The following AGAP1 variants were observed in gnomAD, a reference collection of about 807,000 sequenced individuals.
AGAP1 encodes the protein ArfGAP with GTPase domain, ankyrin repeat and PH domain 1, also known as arf-GAP with GTPase, ANK repeat and PH domain-containing protein 1.
A neutral mutation model predicts 105.3 loss-of-function variants in AGAP1; 29 were observed. The ratio of observed to expected loss-of-function variants is 0.28; its 90% CI spans 0.21 to 0.38. The LOEUF (loss-of-function observed/expected upper bound fraction) is 0.38, where lower values mean the gene tolerates loss of function less well. Among genes scored for constraint, AGAP1 ranks in the 10% least tolerant of loss-of-function variants. AGAP1 has a pLI of 1.00. For missense variants in AGAP1, 998 were observed against 1,165.1 expected, an observed-to-expected ratio of 0.86 and a Z score of 2.09; for synonymous variants, 509 against 485.9, an observed-to-expected ratio of 1.05 and a Z score of -0.63.
chr2:235,604,572 C>CTTTTTTTTTTTTTTTTTTTTTTTTTTT (rs1166523228), intron 1 of AGAP1, among the ~76,000 whole-genome samples: 1 of 69,672 alleles, frequency 1.4e-5, no homozygotes, highest in Non-Finnish European at 2.5e-5. Context: ...TTTTTATTAT[C>CTTTTTTTTTTTTTTTTTTTTTTTTTTT]TTTTTTTTTT....
intron 13 of AGAP1, among the ~76,000 whole-genome samples, chr2:236,018,653 C>T (rs931718097): frequency 3.9e-5 from 6 of 152,208 alleles, no homozygotes; most frequent in Admixed American, 2.0e-4. Flanking sequence ...TCTTGGGATG[C>T]CAAGCCCATT....
In AGAP1 at chr2:235,599,799, T is replaced by G. The variant is rs1372647518; in HGVS notation, c.163+104950T>G. Among the ~76,000 whole-genome samples, 2 of 152,142 alleles carry G rather than the reference T, an allele frequency of 1.3e-5. No individual in the cohort carries two copies. The highest frequency in any genetic ancestry group is 2.9e-5 in the Non-Finnish European group (2 of 68,024). ...TCAGAGAGAGCGCCTGCCCCAGGGC[T>G]GGGAAGATGAGCAGGGATCCTGGGA... On this transcript the variant is annotated intron_variant, in intron 1 of 17. Coordinates refer to ENST00000304032, the MANE Select transcript of AGAP1 (RefSeq NM_001037131.3). This position sits in a 1 kb window ranked among gnomAD's most constrained non-coding sequence, Gnocchi z 5.3.
At position 235,701,642 on chromosome 2, in the gene AGAP1, A is replaced by G. The variant is rs1352310334; in HGVS notation, c.164-7537A>G. Among the ~76,000 whole-genome samples the G allele has an allele frequency of 6.6e-6, 1 of 152,238 alleles. No individual in the cohort carries two copies. Among genetic ancestry groups the G allele is most frequent in the East Asian group, 1.9e-4 (1 of 5,194 alleles). On this transcript the variant is annotated intron_variant, in intron 1 of 17. Coordinates refer to ENST00000304032, the MANE Select transcript of AGAP1 (RefSeq NM_001037131.3). This position sits in a 1 kb window ranked among gnomAD's most constrained non-coding sequence, Gnocchi z 4.1. Reference sequence around the variant, plus strand: ...ATAGGGATTCAAGGATTTCCAAATAAGAAATTAAATCCTACCATTGAAACT... The same window carrying G: ...ATAGGGATTCAAGGATTTCCAAATAGGAAATTAAATCCTACCATTGAAACT...
In AGAP1 at chr2:235,882,463, C is replaced by A; in HGVS notation, c.1051-882C>A. 4 of 1,575,438 alleles carry A rather than the reference C, an allele frequency of 2.5e-6. No homozygotes were observed. In the East Asian group the frequency reaches 6.8e-5, roughly 27 times the overall value. ...TTCAGCTTGGCCCTATTGAAGCTGG[C>A]GATTCCCCCCACGTCTGGTTTGTCT... On this transcript the variant is annotated intron_variant, in intron 9 of 17. Coordinates refer to ENST00000304032, the MANE Select transcript of AGAP1 (RefSeq NM_001037131.3). This position sits in a 1 kb window ranked among gnomAD's most constrained non-coding sequence, Gnocchi z 4.6.
In AGAP1 at chr2:235,863,836, C is replaced by G. The variant is rs529593014; in HGVS notation, c.1051-19509C>G. 2.6e-5 allele frequency among the ~76,000 whole-genome samples: 4 copies of G among 151,952 alleles called. No individual in the cohort carries two copies. In the East Asian group the frequency reaches 7.7e-4, roughly 29 times the overall value. ...AGACCTTCTAGGGGAAGAGTTAACT[C>G]GGAAAGAAAGGAACTCTGAGCATTG... On this transcript the variant is annotated intron_variant, in intron 9 of 17. Transcript: ENST00000304032.
intron 1 of AGAP1, among the ~76,000 whole-genome samples, chr2:235,648,138 G>A (rs569699613): frequency 1.3e-5 from 2 of 152,314 alleles, no homozygotes; most frequent in Admixed American, 6.5e-5. Context: ...ACTGGGGGGT[G>A]TCCATCCCGT....
intron 8 of AGAP1, among the ~76,000 whole-genome samples, chr2:235,804,794 G>T (rs1304510280): frequency 1.3e-5 from 2 of 152,194 alleles, no homozygotes; most frequent in Non-Finnish European, 2.9e-5. Flanking sequence ...AGCCCTTCTG[G>T]GTGTGATCTG....
chr2:235,988,094 G>A lies in AGAP1; in HGVS notation c.1645+19471G>A, dbSNP rs139066543. Reference sequence around the variant, plus strand: ...GTCTCACTCTGTTGCCCAGGCTGGAGTGTGGTGGCATGATCTCGGCTCACT... The same window carrying A: ...GTCTCACTCTGTTGCCCAGGCTGGAATGTGGTGGCATGATCTCGGCTCACT... On this transcript the variant is annotated intron_variant, in intron 13 of 17. Coordinates refer to ENST00000304032, the MANE Select transcript of AGAP1 (RefSeq NM_001037131.3). The surrounding 1 kb of genome is among the most constrained non-coding windows in gnomAD (Gnocchi z 4.7). Among the ~76,000 whole-genome samples the A allele has an allele frequency of 4.3e-3, 657 of 152,312 alleles. 2 individuals carry two copies. Among genetic ancestry groups the A allele is most frequent in the Non-Finnish European group, 7.6e-3 (514 of 68,028 alleles).
In AGAP1 at chr2:235,741,073, C is replaced by A. The variant is rs1373130739; in HGVS notation, c.396+25C>A. ...GGTGAGTATACATGCATGCCCCAAG[C>A]CTGCTTTTTTTCCCTTTGTTTTCTA... On this transcript the variant is annotated intron_variant, in intron 4 of 17. Coordinates refer to ENST00000304032, the MANE Select transcript of AGAP1 (RefSeq NM_001037131.3). This position sits in a 1 kb window ranked among gnomAD's most constrained non-coding sequence, Gnocchi z 4.9. The A allele has an allele frequency of 6.5e-7, 1 of 1,540,052 alleles. No homozygotes were observed. The highest frequency in any genetic ancestry group is 8.8e-7 in the Non-Finnish European group (1 of 1,134,486).
rs61744659 is a variant in AGAP1, at chr2:236,120,351, C to A, written c.2274C>A (p.Asp758Glu). ...AILLLAHGSR[D>E]EVNETCGEGD... ...TGCTGCTGGCACACGGCTCCCGGGA[C>A]GAGGTGAACGAGACCTGCGGGGAGG... is the stretch of plus-strand genomic sequence containing the variant. The change falls in exon 17 of 18, where the codon GAC (aspartate) becomes GAA (glutamate). Residue 758 changes from aspartate (D) to glutamate (E), a missense_variant. This residue lies in a region of AGAP1 where 235 missense variants were observed against 270.7 expected (regional missense o/e 0.87). Coordinates refer to ENST00000304032, the MANE Select transcript of AGAP1 (RefSeq NM_001037131.3). This position sits in a 1 kb window ranked among gnomAD's most constrained non-coding sequence, Gnocchi z 6.0. The A allele has an allele frequency of 6.2e-7, 1 of 1,611,780 alleles. No homozygotes were observed. Among genetic ancestry groups the A allele is most frequent in the African/African-American group, 1.3e-5 (1 of 74,870 alleles).
At chr2:235,784,598 C>CAAAAAA (rs71400786) in intron 6 of AGAP1, among the ~76,000 whole-genome samples, 1 of 124,456 alleles carries the variant, frequency 8.0e-6, no homozygotes, top group Admixed American at 7.9e-5. Context: ...CTTATTAAAG[C>CAAAAAA]AAAAAAAAAA....
chr2:235,648,884 C>CAAA (rs34285333), intron 1 of AGAP1, among the ~76,000 whole-genome samples: 2 of 139,580 alleles, frequency 1.4e-5, no homozygotes, highest in East Asian at 2.1e-4. Flanking sequence ...GAGACTGTCT[C>CAAA]AAAAAAAAAA....
chr2:235,719,289 C>T lies in AGAP1; in HGVS notation c.310+1645C>T, dbSNP rs1325404854. Among the ~76,000 whole-genome samples, 3 of 152,168 alleles carry T rather than the reference C, an allele frequency of 2.0e-5. No homozygotes were observed. The highest frequency in any genetic ancestry group is 1.9e-4 in the East Asian group (1 of 5,190). On this transcript the variant is annotated intron_variant, in intron 3 of 17. Transcript: ENST00000304032. The surrounding 1 kb of genome is among the most constrained non-coding windows in gnomAD (Gnocchi z 4.9). ...GAGTAAGAACAAGGACCACGACTCA[C>T]TCATGGTGGCCTTTCTGCTATATGG...
rs560429866 is a variant in AGAP1, at chr2:236,108,328, C to T, written c.2115-11864C>T. Among the ~76,000 whole-genome samples the T allele has an allele frequency of 4.6e-5, 7 of 152,330 alleles. No individual in the cohort carries two copies. The South Asian group carries it at 1.2e-3, about 27-fold the overall frequency. On this transcript the variant is annotated intron_variant, in intron 16 of 17. Coordinates refer to ENST00000304032, the MANE Select transcript of AGAP1 (RefSeq NM_001037131.3). ...TTCCTGTTTTGCTTGAGGCAGGAAG[C>T]ACTCTGGAAATTCCTTGCTGCTAGC...
chr2:235,853,333 G>A, intron 9 of AGAP1: 1 of 600,782 alleles, frequency 1.7e-6, no homozygotes, highest in Non-Finnish European at 2.1e-6. Flanking sequence ...TTTAGGAACA[G>A]GGAATGTTGT....
rs747430795 is a variant in AGAP1 at position 236,040,909 on chromosome 2, C to T, written c.1891+68C>T. 23 of 1,527,122 alleles carry T rather than the reference C, an allele frequency of 1.5e-5. No individual in the cohort carries two copies. Among genetic ancestry groups the T allele is most frequent in the African/African-American group, 1.5e-4 (11 of 73,160 alleles). 94.6% of individuals were successfully genotyped at this position (1,527,122 alleles called of 1,614,324 possible). A position where few individuals can be genotyped will look rare whatever the true frequency, so the allele number is the denominator to read the frequency against. On this transcript the variant is annotated intron_variant, in intron 15 of 17. Coordinates refer to ENST00000304032, the MANE Select transcript of AGAP1 (RefSeq NM_001037131.3). The surrounding 1 kb of genome is among the most constrained non-coding windows in gnomAD (Gnocchi z 5.6). ...GGAGACCACATGGTCCCACTAGGCC[C>T]GGGTTGCAGGGGACTCACATCTGTC...
chr2:236,081,843 A>G (rs777010767), intron 16 of AGAP1, among the ~76,000 whole-genome samples: 26 of 152,238 alleles, frequency 1.7e-4, no homozygotes, highest in Middle Eastern at 3.4e-3. Context: ...TAAATAGAAC[A>G]TTTTTCTTCT....
Position 236,044,944 on chromosome 2 carries a change from G to T in AGAP1, c.1891+4103G>T, listed in dbSNP as rs1267085067. ...TGGAGTGCAGCAGAAAGGGTAGGCT[G>T]CCTCTCGGGGCCTGTCCATGATTGC... On this transcript the variant is annotated intron_variant, in intron 15 of 17. Coordinates refer to ENST00000304032, the MANE Select transcript of AGAP1 (RefSeq NM_001037131.3). This position sits in a 1 kb window ranked among gnomAD's most constrained non-coding sequence, Gnocchi z 5.7. Among the ~76,000 whole-genome samples the T allele has an allele frequency of 6.6e-6, 1 of 152,142 alleles. No homozygotes were observed. The highest frequency in any genetic ancestry group is 2.4e-5 in the African/African-American group (1 of 41,434).
chr2:235,707,272 C>T (rs1391209679), intron 1 of AGAP1, among the ~76,000 whole-genome samples: 1 of 152,208 alleles, frequency 6.6e-6, no homozygotes, highest in African/African-American at 2.4e-5. Context: ...TCTGCTCTGC[C>T]AGCTGGACAG....
Sources: allele counts gnomAD v4.1 joint callset (sites outside exome capture counted in the v4.1 genomes callset), GRCh38; gene constraint gnomAD v4.1.1; regional missense constraint gnomAD v4.1.1; non-coding constraint Gnocchi (gnomAD v3.1); transcripts MANE v1.5; gene names NCBI Gene and HGNC (gene_info 2026-07-23, HGNC 2026-07-21).